The following MZT1 variants were observed in gnomAD, a reference collection of about 807,000 sequenced individuals.
MZT1 encodes the protein mitotic-spindle organizing protein 1.
MZT1 carries 8 observed loss-of-function variants against 8.5 expected under a neutral mutation model. That is an observed-to-expected ratio of 0.94 (90% CI 0.55 to 1.70). MZT1 has a LOEUF of 1.70. Among genes scored for constraint, MZT1 ranks in the 40% most tolerant of loss-of-function variants. The pLI, the probability that MZT1 is intolerant of heterozygous loss-of-function variation, is 0.00. For synonymous variants in MZT1, 38 were observed against 42.0 expected (o/e 0.90, Z 0.37); for missense variants, 93 against 108.6 (o/e 0.86, Z 0.64).
chr13:72,722,272 G>A (rs1566214312), intron 1 of MZT1, among the ~76,000 whole-genome samples: 1 of 152,196 alleles, frequency 6.6e-6, no homozygotes, highest in Admixed American at 6.5e-5. Flanking sequence ...TCTCGAAAGT[G>A]AGGATAATAA....
Position 72,709,535 on chromosome 13 carries a change from T to C in MZT1, c.*787A>G, listed in dbSNP as rs770964160. 1.3e-5 allele frequency: 2 copies of C among 152,058 alleles called. No homozygotes were observed. The highest frequency in any genetic ancestry group is 2.4e-5 in the African/African-American group (1 of 41,454). 9.4% of individuals were successfully genotyped at this position (152,058 alleles called of 1,614,324 possible). A position where few individuals can be genotyped will look rare whatever the true frequency, so the allele number is the denominator to read the frequency against. On this transcript the variant is annotated 3_prime_UTR_variant, in exon 3 of 3. Coordinates refer to ENST00000377818, the MANE Select transcript of MZT1 (RefSeq NM_001071775.3). ...ACAAATTTTTTTATTCCGTTATTTA[T>C]AGGATATAAAACTTTAAGAAAACAT...
intron 1 of MZT1, among the ~76,000 whole-genome samples, chr13:72,727,077 AC>A: frequency 6.6e-6 from 1 of 152,228 alleles, no homozygotes; most frequent in African/African-American, 2.4e-5. Flanking sequence ...GTGACCAAAC[AC>A]CTGGCCCCTG....
chr13:72,723,843 T>A (rs1039521293), intron 1 of MZT1, among the ~76,000 whole-genome samples: 3 of 29,142 alleles, frequency 1.0e-4, no homozygotes, highest in Non-Finnish European at 1.2e-3. Flanking sequence ...ATTCCAGATA[T>A]AAGTAAAATA....
At position 72,720,611 on chromosome 13, in the gene MZT1, G is replaced by A. The variant is rs114952454; in HGVS notation, c.80-1514C>T. Among the ~76,000 whole-genome samples the A allele has an allele frequency of 5.7e-3, 865 of 152,200 alleles. 10 individuals carry two copies. Among genetic ancestry groups the A allele is most frequent in the African/African-American group, 0.019 (794 of 41,526 alleles). The stretch of plus-strand genomic sequence containing the variant: ...CATCCCTAGAAGTTCAATTTGAGCC[G>A]GGCGCAGTGGCTCACGCCTGTAATC... On this transcript the variant is annotated intron_variant, in intron 1 of 2. Transcript: ENST00000377818.
intron 1 of MZT1, among the ~76,000 whole-genome samples, chr13:72,721,731 T>C (rs763031515): frequency 6.6e-6 from 1 of 152,232 alleles, no homozygotes; most frequent in Non-Finnish European, 1.5e-5. Flanking sequence ...CACTGTACTC[T>C]GATGCCTGAT....
At chr13:72,717,696 C>T (rs1157856460) in intron 2 of MZT1, among the ~76,000 whole-genome samples, 2 of 152,092 alleles carry the variant, frequency 1.3e-5, no homozygotes, top group Non-Finnish European at 2.9e-5. Flanking sequence ...TAAATGTTCC[C>T]CATTTCCATC....
chr13:72,724,712 A>ATG (rs1232006040), intron 1 of MZT1, among the ~76,000 whole-genome samples: 5 of 22,180 alleles, frequency 2.3e-4, no homozygotes, highest in Non-Finnish European at 1.5e-3. Flanking sequence ...ATATATATAT[A>ATG]TATATACATA....
At chr13:72,716,076 C>G (rs1408391369) in intron 2 of MZT1, among the ~76,000 whole-genome samples, 2 of 152,060 alleles carry the variant, frequency 1.3e-5, no homozygotes, top group Non-Finnish European at 1.5e-5. Context: ...GCCATAATGC[C>G]TGGCTAATTT....
intron 1 of MZT1, 66 bp downstream of exon 1, chr13:72,727,458 A>T: frequency 6.6e-7 from 1 of 1,518,942 alleles, no homozygotes; most frequent in Non-Finnish European, 9.1e-7. Flanking sequence ...CCCCAGGCTC[A>T]TTCCCGCCTG....
intron 2 of MZT1, among the ~76,000 whole-genome samples, chr13:72,715,676 C>T (rs1474791264): frequency 1.3e-5 from 2 of 152,134 alleles, no homozygotes; most frequent in African/African-American, 4.8e-5. Flanking sequence ...TGGTGCTGTA[C>T]TCGCTAAAGT....
chr13:72,715,367 A>G (rs2032524970), intron 2 of MZT1, among the ~76,000 whole-genome samples: 1 of 152,156 alleles, frequency 6.6e-6, no homozygotes, highest in Non-Finnish European at 1.5e-5. Context: ...ACAGGCTCAT[A>G]GGTGGAAGGG....
chr13:72,724,360 T>G (rs1593799280), intron 1 of MZT1, among the ~76,000 whole-genome samples: 1 of 151,980 alleles, frequency 6.6e-6, no homozygotes, highest in East Asian at 1.9e-4. Flanking sequence ...TTGAAAGGGC[T>G]TAGTGAAGAA....
At chr13:72,711,903 C>T (rs571072490) in intron 2 of MZT1, among the ~76,000 whole-genome samples, 13 of 152,214 alleles carry the variant, frequency 8.5e-5, no homozygotes, top group African/African-American at 2.9e-4. Flanking sequence ...AGAAGCAAAC[C>T]GATGAGTTAT....
chr13:72,727,530 T>G lies in MZT1; in HGVS notation c.73A>C (p.Met25Leu). The change falls in exon 1 of 3, where the codon ATG becomes CTG. Residue 25 changes from methionine (M) to leucine (L), a missense_variant. Met to Leu is a conservative substitution (Grantham distance 15). Transcript: ENST00000377818. ...AANLNAVRET[M>L]DVLLEISRIL... ...GAGCGCAACGGAAACTCACCGTCCA[T>G]GGTCTCCCGCACCGCATTCAGATTC... The G allele has an allele frequency of 6.2e-7, 1 of 1,613,514 alleles. No homozygotes were observed. Among genetic ancestry groups the G allele is most frequent in the Non-Finnish European group, 8.5e-7 (1 of 1,179,746 alleles).
At chr13:72,724,737 TATACAC>T (rs1166776864) in intron 1 of MZT1, among the ~76,000 whole-genome samples, 754 of 35,918 alleles carry the variant, frequency 0.021, 98 homozygotes, top group Middle Eastern at 0.075. Flanking sequence ...TATATATATA[TATACAC>T]ATATATATAT....
At position 72,722,393 on chromosome 13, in the gene MZT1, G is replaced by A. The variant is rs150089512; in HGVS notation, c.80-3296C>T. ...TCCTTTGGAATGGTGCTTGGCATAC[G>A]GTAGGGCTCAATAAAAAAGAGTTCC... On this transcript the variant is annotated intron_variant, in intron 1 of 2. Transcript: ENST00000377818. Among the ~76,000 whole-genome samples, 1,101 of 152,256 alleles carry A rather than the reference G, an allele frequency of 7.2e-3. 8 individuals carry two copies. Among genetic ancestry groups the A allele is most frequent in the Middle Eastern group, 0.031 (9 of 294 alleles).
At position 72,710,346 on chromosome 13, in the gene MZT1, C is replaced by T; in HGVS notation, c.226-1G>A. The T allele has an allele frequency of 6.2e-7, 1 of 1,613,008 alleles. No homozygotes were observed. Among genetic ancestry groups the T allele is most frequent in the Non-Finnish European group, 8.5e-7 (1 of 1,179,306 alleles). On this transcript the variant is annotated splice_acceptor_variant, in intron 2 of 2. Transcript: ENST00000377818. LOFTEE classifies it high-confidence loss of function. ...GTCAGCTTGTCATATTTTCAGCAGC[C>T]TAGAACAAGAAAGTAAGATTCATTA...
At chr13:72,717,159 T>C (rs2032543420) in intron 2 of MZT1, among the ~76,000 whole-genome samples, 1 of 152,178 alleles carries the variant, frequency 6.6e-6, no homozygotes, top group Non-Finnish European at 1.5e-5. Context: ...CCTTTTCTCT[T>C]AGCAGGTCCT....
rs139426652 is a variant in MZT1 at position 72,712,687 on chromosome 13, G to A, written c.226-2342C>T. Among the ~76,000 whole-genome samples the A allele has an allele frequency of 3.6e-4, 55 of 152,264 alleles. No individual in the cohort carries two copies. The East Asian group carries it at 9.6e-3, about 27-fold the overall frequency. Reference sequence around the variant, plus strand: ...AAAGCTATGTTAAATTGGCATTTCTGAACTGCCTATCCTAATATCGTAGCT... The same window carrying A: ...AAAGCTATGTTAAATTGGCATTTCTAAACTGCCTATCCTAATATCGTAGCT... On this transcript the variant is annotated intron_variant, in intron 2 of 2. Transcript: ENST00000377818.
Sources: allele counts gnomAD v4.1 joint callset (sites outside exome capture counted in the v4.1 genomes callset), GRCh38; gene constraint gnomAD v4.1.1; transcripts MANE v1.5; gene names NCBI Gene and HGNC (gene_info 2026-07-23, HGNC 2026-07-21).